The following TUBGCP5 variants were observed in gnomAD, a reference collection of about 807,000 sequenced individuals.
TUBGCP5 encodes the protein tubulin gamma complex component 5, also known as gamma-tubulin complex component 5.
In TUBGCP5, 98 loss-of-function variants were observed where a neutral mutation model predicts 134.7. The observed-to-expected ratio is 0.73, with a 90% CI of 0.62 to 0.86. The LOEUF (loss-of-function observed/expected upper bound fraction) is 0.86. TUBGCP5 is among the 40% of genes least tolerant of loss of function. The probability of loss-of-function intolerance (pLI) is 0.00; values close to 1 mark genes in which losing one functional copy is unlikely to be tolerated. For synonymous variants in TUBGCP5, 456 were observed against 431.4 expected, an observed-to-expected ratio of 1.06 and a Z score of -0.71; for missense variants, 1,150 against 1,244.8, an observed-to-expected ratio of 0.92 and a Z score of 1.15.
chr15:23,018,452 A>C (rs2065468709), intron 12 of TUBGCP5, among the ~76,000 whole-genome samples: 1 of 152,204 alleles, frequency 6.6e-6, no homozygotes, highest in Non-Finnish European at 1.5e-5. Flanking sequence ...GAACAGTCAG[A>C]GTCCTATTTT....
In TUBGCP5 at chr15:23,028,480, A is replaced by G. The variant is rs140097088; in HGVS notation, c.623-1174T>C. ...GCAAGTTTAGGTGAAGAATTCAAGGATAATTCAACATCAGAAAATCTATCG... is the reference window on the plus strand; with the variant it reads ...GCAAGTTTAGGTGAAGAATTCAAGGGTAATTCAACATCAGAAAATCTATCG... On this transcript the variant is annotated intron_variant, in intron 6 of 22. Coordinates refer to ENST00000615383, the MANE Select transcript of TUBGCP5 (RefSeq NM_052903.6). Among the ~76,000 whole-genome samples the G allele has an allele frequency of 4.8e-3, 736 of 152,254 alleles. 4 individuals carry two copies. The highest frequency in any genetic ancestry group is 0.041 in the Middle Eastern group (12 of 292).
chr15:23,019,354 C>T lies in TUBGCP5; in HGVS notation c.1372-20G>A, dbSNP rs771060630. The T allele has an allele frequency of 7.7e-6, 12 of 1,551,114 alleles. No individual in the cohort carries two copies. Among genetic ancestry groups the T allele is most frequent in the Non-Finnish European group, 8.9e-6 (10 of 1,125,300 alleles). On this transcript the variant is annotated intron_variant, in intron 11 of 22. Transcript: ENST00000615383. ...GGAGACCTGAGGCAGAGAGTGTGCACGGTCAGCTCTCAGGGTTCCCTGGTC... is the reference window on the plus strand; with the variant it reads ...GGAGACCTGAGGCAGAGAGTGTGCATGGTCAGCTCTCAGGGTTCCCTGGTC...
At chr15:23,018,890 A>T (rs1004560157) in intron 12 of TUBGCP5, among the ~76,000 whole-genome samples, 11 of 152,194 alleles carry the variant, frequency 7.2e-5, no homozygotes, top group Admixed American at 7.2e-4. Flanking sequence ...TTTACAATGG[A>T]AATAGCTGAA....
rs112813405 is a variant in TUBGCP5, at chr15:22,985,855, C to T, written c.*62-2244G>A. On this transcript the variant is annotated intron_variant and NMD_transcript_variant, in intron 23 of 23. Transcript: ENST00000614508. ...ATCTCAAAAAAAAGAAATAATAGGC[C>T]GGGCACGGTGGCTCATGCCTGTAAT... 7.0e-3 allele frequency among the ~76,000 whole-genome samples: 1,023 copies of T among 146,552 alleles called. 19 individuals carry two copies. The highest frequency in any genetic ancestry group is 0.023 in the African/African-American group (926 of 39,686).
intron 19 of TUBGCP5, among the ~76,000 whole-genome samples, chr15:23,005,127 A>G (rs1231497575): frequency 6.6e-6 from 1 of 152,152 alleles, no homozygotes; most frequent in African/African-American, 2.4e-5. Context: ...GACAGCTGTC[A>G]CCACTATTGA....
Position 23,031,998 on chromosome 15 carries a change from G to A in TUBGCP5, c.438C>T (p.Tyr146=), listed in dbSNP as rs777386990. 1 of 1,612,136 alleles carries A rather than the reference G, an allele frequency of 6.2e-7. No individual in the cohort carries two copies. The highest frequency in any genetic ancestry group is 2.2e-5 in the East Asian group (1 of 44,850). ...TGTCCATTTCTTCATCTTCCATCAA[G>A]TATTTTCCCCAGTCGAAATCATCTT... ...EKKDDFDWGK[Y]LMEDEEMDIG... Residue 146 remains tyrosine (Y), a synonymous_variant, in exon 5 of 23, where the codon TAC becomes TAT. Coordinates refer to ENST00000615383, the MANE Select transcript of TUBGCP5 (RefSeq NM_052903.6).
intron 10 of TUBGCP5, 61 bp downstream of exon 10, chr15:23,023,886 T>C: frequency 6.5e-7 from 1 of 1,536,140 alleles, no homozygotes; most frequent in Non-Finnish European, 8.8e-7. Flanking sequence ...ATAAAAACTC[T>C]AAGTGGCATT....
Position 23,036,937 on chromosome 15 carries a change from T to C in TUBGCP5, c.269A>G (p.Glu90Gly). ...ACTGGGAAGTGGTGCATTTAGAAAT[T>C]CCTCCGTTAATCTCTTCCAACTAGC... The part of the protein sequence containing the change: ...KAASWKRLTE[E>G]FLNAPLPSIK... The change falls in exon 3 of 23, where the codon GAA (glutamate) becomes GGA (glycine). Residue 90 changes from glutamate to glycine, a missense_variant. Glu to Gly is a moderately conservative substitution (Grantham distance 98). This residue lies in a region of TUBGCP5 where 453 missense variants were observed against 394.7 expected (regional missense o/e 1.15). Coordinates refer to ENST00000615383, the MANE Select transcript of TUBGCP5 (RefSeq NM_052903.6). 6.2e-7 allele frequency: 1 copy of C among 1,612,750 alleles called. No individual in the cohort carries two copies. Among genetic ancestry groups the C allele is most frequent in the Non-Finnish European group, 8.5e-7 (1 of 1,179,324 alleles).
At chr15:23,020,417 CA>C (rs762545747) in intron 11 of TUBGCP5, among the ~76,000 whole-genome samples, 5 of 146,360 alleles carry the variant, frequency 3.4e-5, no homozygotes, top group African/African-American at 7.6e-5. Context: ...AAACAAAAAA[CA>C]AAAAAAAACC....
chr15:23,010,834 C>T lies in TUBGCP5; in HGVS notation c.1955+299G>A, dbSNP rs193256724. ...TCTCTACAAAAAATACAAAAATTAG[C>T]GGGGCATGGTGGCACATGCCTCTAG... On this transcript the variant is annotated intron_variant, in intron 14 of 22. Coordinates refer to ENST00000615383, the MANE Select transcript of TUBGCP5 (RefSeq NM_052903.6). 7.2e-3 allele frequency among the ~76,000 whole-genome samples: 1,093 copies of T among 151,930 alleles called. 8 individuals carry two copies. Among genetic ancestry groups the T allele is most frequent in the Non-Finnish European group, 0.012 (784 of 67,952 alleles).
At chr15:23,019,982 A>T (rs1289740608) in intron 11 of TUBGCP5, among the ~76,000 whole-genome samples, 1 of 151,902 alleles carries the variant, frequency 6.6e-6, no homozygotes, top group African/African-American at 2.4e-5. Flanking sequence ...AGCATCCATT[A>T]AGGATGAGGA....
At chr15:23,008,118 G>C (rs1197988041) in intron 16 of TUBGCP5, among the ~76,000 whole-genome samples, 1 of 152,098 alleles carries the variant, frequency 6.6e-6, no homozygotes, top group African/African-American at 2.4e-5. Context: ...GCCCAGGCTG[G>C]TTGCAAACTC....
chr15:23,027,406 G>T, intron 6 of TUBGCP5, 100 bp from the exon 7 acceptor site: 1 of 936,424 alleles, frequency 1.1e-6, no homozygotes. Flanking sequence ...GTTGAAAATG[G>T]CTTTTTAAAA....
intron 18 of TUBGCP5, 190 bp downstream of exon 18, chr15:23,005,862 T>C (rs1661511790): frequency 2.9e-6 from 2 of 679,978 alleles, no homozygotes; most frequent in Non-Finnish European, 4.8e-6. Context: ...CTTTCAGGCA[T>C]TTGATGTCCA....
Position 22,999,859 on chromosome 15 carries a change from A to G in TUBGCP5, c.3036T>C (p.Ser1012=). The G allele has an allele frequency of 6.2e-7, 1 of 1,613,992 alleles. No homozygotes were observed. Among genetic ancestry groups the G allele is most frequent in the Non-Finnish European group, 8.5e-7 (1 of 1,179,886 alleles). The change falls in exon 23 of 23, where the codon TCT becomes TCC. Residue 1012 remains serine (S), a synonymous_variant. Transcript: ENST00000615383. The part of the protein sequence containing the change: ...VCRGSFPHLE[S]LALSLMAGME... ...TGCCAGCCATGAGTGACAACGCTAGAGATTCCACTGTGGGAAGAATAAAAA... is the reference window on the plus strand; with the variant it reads ...TGCCAGCCATGAGTGACAACGCTAGGGATTCCACTGTGGGAAGAATAAAAA...
intron 13 of TUBGCP5, among the ~76,000 whole-genome samples, chr15:23,014,687 C>T (rs2065217755): frequency 6.6e-6 from 1 of 152,182 alleles, no homozygotes; most frequent in African/African-American, 2.4e-5. Context: ...CAGACATGCA[C>T]CCAGGCTAGC....
intron 19 of TUBGCP5, among the ~76,000 whole-genome samples, 161 bp downstream of exon 19, chr15:23,005,271 C>G (rs2064635123): frequency 6.6e-6 from 1 of 152,190 alleles, no homozygotes; most frequent in South Asian, 2.1e-4. Flanking sequence ...TTTACAAAAA[C>G]ATTCCTCCCA....
At chr15:23,027,164 A>G in intron 7 of TUBGCP5, 28 bp downstream of exon 7, 2 of 1,520,592 alleles carry the variant, frequency 1.3e-6, no homozygotes, top group Non-Finnish European at 1.8e-6. Flanking sequence ...TTCTATCATC[A>G]CATTAAATGA....
intron 23 of TUBGCP5, among the ~76,000 whole-genome samples, chr15:22,988,807 G>GC (rs1252564481): frequency 6.6e-6 from 1 of 151,488 alleles, no homozygotes; most frequent in Non-Finnish European, 1.5e-5. Context: ...TTGTTCTGTT[G>GC]CCAGGCTGGA....
Sources: gnomAD v4.1 joint callset for allele counts (sites outside exome capture counted in the v4.1 genomes callset) on GRCh38, gnomAD v4.1.1 for gene constraint, gnomAD v4.1.1 regional missense constraint, MANE v1.5 for transcripts, NCBI Gene and HGNC (gene_info 2026-07-23, HGNC 2026-07-21) for gene names.